MACROD2: variants seen among roughly 807,000 people sequenced by gnomAD.
The protein encoded by MACROD2 is mono-ADP ribosylhydrolase 2.
MACROD2 carries 36 observed loss-of-function variants against 70.4 expected under a neutral mutation model. The observed-to-expected ratio is 0.51, with a 90% CI of 0.39 to 0.68. The LOEUF is 0.68. MACROD2 is among the 30% of genes least tolerant of loss of function. MACROD2 has a pLI of 0.00. For synonymous variants in MACROD2, 172 were observed against 178.8 expected (o/e 0.96, Z 0.30); for missense variants, 496 against 538.4 (o/e 0.92, Z 0.78).
intron 8 of MACROD2, among the ~76,000 whole-genome samples, chr20:15,837,059 A>T (rs2064121911): frequency 6.6e-6 from 1 of 152,178 alleles, no homozygotes; most frequent in African/African-American, 2.4e-5. Flanking sequence ...ACCAGCACAC[A>T]TATGTACTTG....
intron 8 of MACROD2, among the ~76,000 whole-genome samples, chr20:15,642,320 A>G (rs1454537145): frequency 1.3e-5 from 2 of 152,182 alleles, no homozygotes; most frequent in Non-Finnish European, 2.9e-5. Flanking sequence ...TTGAACAAAC[A>G]ATTACAAGCA....
rs142352273 is a variant in MACROD2 at position 14,957,065 on chromosome 20, T to C, written c.418+272106T>C. ...TACTCATAAATTCAGAGACTGATTT[T>C]TTAAAATTATACATTAAAAACACAT... On this transcript the variant is annotated intron_variant, in intron 5 of 17. Transcript: ENST00000684519. Among the ~76,000 whole-genome samples the C allele has an allele frequency of 4.7e-3, 717 of 152,300 alleles. 6 individuals carry two copies. The highest frequency in any genetic ancestry group is 0.016 in the African/African-American group (680 of 41,564).
intron 6 of MACROD2, among the ~76,000 whole-genome samples, chr20:15,277,946 T>C (rs1308134745): frequency 6.6e-6 from 1 of 152,124 alleles, no homozygotes; most frequent in African/African-American, 2.4e-5. Flanking sequence ...ATTAGAGAAC[T>C]TGGAAGAAAA....
At position 15,294,512 on chromosome 20, in the gene MACROD2, A is replaced by G. The variant is rs1046327005; in HGVS notation, c.540+64451A>G. 1.2e-4 allele frequency among the ~76,000 whole-genome samples: 18 copies of G among 152,316 alleles called. 1 individual carries two copies. The East Asian group carries it at 3.3e-3, about 28-fold the overall frequency. On this transcript the variant is annotated intron_variant, in intron 6 of 17. Transcript: ENST00000684519. ...TTTCTCAAGTGTAATTCTTCAGACAACACAGGGTGGCTTGGTGCTCAGATC... is the reference window on the plus strand; with the variant it reads ...TTTCTCAAGTGTAATTCTTCAGACAGCACAGGGTGGCTTGGTGCTCAGATC...
chr20:14,139,077 CAA>C (rs1297505432), intron 3 of MACROD2, among the ~76,000 whole-genome samples: 2 of 152,048 alleles, frequency 1.3e-5, no homozygotes, highest in Admixed American at 6.6e-5. Context: ...CCATTAAAAA[CAA>C]AAAGAAAATA....
At chr20:15,819,339 GTATA>G (rs1440672216) in intron 8 of MACROD2, among the ~76,000 whole-genome samples, 7 of 129,936 alleles carry the variant, frequency 5.4e-5, no homozygotes, top group African/African-American at 9.0e-5. Flanking sequence ...AAATATATAA[GTATA>G]TAATTATATA....
chr20:14,977,985 C>T (rs536218155), intron 5 of MACROD2, among the ~76,000 whole-genome samples: 1 of 152,218 alleles, frequency 6.6e-6, no homozygotes, highest in African/African-American at 2.4e-5. Context: ...CTCATTTCTG[C>T]CTAGGTTCAT....
chr20:15,007,079 G>T (rs1189390252), intron 5 of MACROD2, among the ~76,000 whole-genome samples: 2 of 151,458 alleles, frequency 1.3e-5, no homozygotes, highest in Admixed American at 1.3e-4. Flanking sequence ...AAAAACCCAG[G>T]AGAGGCCGGG....
chr20:14,819,156 C>G (rs1226683068), intron 5 of MACROD2, among the ~76,000 whole-genome samples: 24 of 151,834 alleles, frequency 1.6e-4, no homozygotes, highest in Non-Finnish European at 2.7e-4. Flanking sequence ...ATCCCAGCTA[C>G]TTGGGAAGCT....
chr20:14,436,518 T>A (rs947532724), intron 3 of MACROD2, among the ~76,000 whole-genome samples: 6 of 152,292 alleles, frequency 3.9e-5, no homozygotes, highest in African/African-American at 1.4e-4. Flanking sequence ...ACCTTAACCA[T>A]CACCCTGTAT....
rs148852596 is a variant in MACROD2 at position 14,158,599 on chromosome 20, AG to A, written c.271+72875del. ...TTTTTGTATATGTATGGTAAGAGAT[AG>A]GGGTCCAGTTTCATTGTTTTGTGTA... On this transcript the variant is annotated intron_variant, in intron 3 of 17. Coordinates refer to ENST00000684519, the MANE Select transcript of MACROD2 (RefSeq NM_001351661.2). 7.7e-3 allele frequency among the ~76,000 whole-genome samples: 1,166 copies of A among 152,252 alleles called. 17 individuals are homozygous for A. Among genetic ancestry groups the A allele is most frequent in the African/African-American group, 0.026 (1,079 of 41,556 alleles).
chr20:15,150,583 C>T lies in MACROD2; in HGVS notation c.419-79357C>T, dbSNP rs752705955. Among the ~76,000 whole-genome samples the T allele has an allele frequency of 4.0e-5, 6 of 151,746 alleles. No individual in the cohort carries two copies. In the South Asian group the frequency reaches 8.3e-4, roughly 21 times the overall value. The stretch of plus-strand genomic sequence containing the variant: ...TGTGGGATGGGGTATTGGCATTGAG[C>T]GAGGTAAGGGTGATTAGGTTTTAAT... On this transcript the variant is annotated intron_variant, in intron 5 of 17. Coordinates refer to ENST00000684519, the MANE Select transcript of MACROD2 (RefSeq NM_001351661.2).
intron 5 of MACROD2, among the ~76,000 whole-genome samples, chr20:15,125,625 T>C (rs2076060828): frequency 6.6e-6 from 1 of 152,110 alleles, no homozygotes; most frequent in South Asian, 2.1e-4. Flanking sequence ...TACCATACTT[T>C]CCTCTACAAG....
chr20:15,874,435 T>C (rs1028690375), intron 9 of MACROD2, among the ~76,000 whole-genome samples: 3 of 152,082 alleles, frequency 2.0e-5, no homozygotes, highest in Non-Finnish European at 4.4e-5. Context: ...TACCCAGTAG[T>C]GGGGTGGCTG....
At chr20:14,289,163 A>G (rs1415902497) in intron 3 of MACROD2, among the ~76,000 whole-genome samples, 4 of 152,172 alleles carry the variant, frequency 2.6e-5, no homozygotes, top group African/African-American at 4.8e-5. Flanking sequence ...TCTATTCAGT[A>G]CAGATCTTAG....
intron 13 of MACROD2, among the ~76,000 whole-genome samples, chr20:15,984,639 C>A (rs1035205936): frequency 1.3e-5 from 2 of 150,960 alleles, no homozygotes; most frequent in South Asian, 2.1e-4. Flanking sequence ...CCTCCCCCCC[C>A]CGCCCTTCTC....
intron 3 of MACROD2, among the ~76,000 whole-genome samples, chr20:14,177,553 T>C (rs1430073291): frequency 6.6e-6 from 1 of 152,116 alleles, no homozygotes; most frequent in Non-Finnish European, 1.5e-5. Context: ...CAACCTCAGG[T>C]GATCTGCCCG....
At chr20:16,031,827 A>G (rs2067155902) in intron 15 of MACROD2, among the ~76,000 whole-genome samples, 1 of 152,196 alleles carries the variant, frequency 6.6e-6, no homozygotes, top group Admixed American at 6.5e-5. Flanking sequence ...TGCAGAGAAT[A>G]GAAAGTATCA....
chr20:14,540,160 A>C (rs781618978), intron 4 of MACROD2, among the ~76,000 whole-genome samples: 2 of 152,224 alleles, frequency 1.3e-5, no homozygotes, highest in Non-Finnish European at 2.9e-5. Flanking sequence ...ATTAAAAATA[A>C]AACCCTAAAA....
Sources: allele counts gnomAD v4.1 joint callset (sites outside exome capture counted in the v4.1 genomes callset), GRCh38; gene constraint gnomAD v4.1.1; transcripts MANE v1.5; gene names NCBI Gene and HGNC (gene_info 2026-07-23, HGNC 2026-07-21).